Variants in ASNS observed in about 807,000 individuals in gnomAD.
The protein encoded by ASNS is asparagine synthetase (glutamine-hydrolyzing).
Under a neutral mutation model 62.6 loss-of-function variants are expected in ASNS, and 37 were observed. The ratio of observed to expected loss-of-function variants is 0.59; its 90% confidence interval spans 0.45 to 0.78. The LOEUF is 0.78. Among genes scored for constraint, ASNS ranks in the 30% least tolerant of loss-of-function variants. The pLI, the probability that ASNS is intolerant of heterozygous loss-of-function variation, is 0.00. For missense variants in ASNS, 520 were observed against 682.4 expected, an observed-to-expected ratio of 0.76 and a Z score of 2.65; for synonymous variants, 207 against 237.9, an observed-to-expected ratio of 0.87 and a Z score of 1.19.
upstream of ASNS, among the ~76,000 whole-genome samples, chr7:97,872,752 A>C (rs1165993777): frequency 1.3e-5 from 2 of 152,236 alleles, no homozygotes; most frequent in African/African-American, 4.8e-5. Context: ...AGTGCAGAGA[A>C]AAGCTTGTCC....
chr7:97,896,185 G>C, the ASNS span, among the ~76,000 whole-genome samples: 2 of 151,852 alleles, frequency 1.3e-5, no homozygotes, highest in African/African-American at 4.8e-5. Context: ...CACAGAAACA[G>C]GAAAAAAATA....
intron 3 of ASNS, 123 bp from the exon 4 acceptor site, chr7:97,864,619 G>A: frequency 1.4e-6 from 1 of 702,548 alleles, no homozygotes; most frequent in Non-Finnish European, 2.5e-6. Flanking sequence ...TGGTGATTTA[G>A]GAGAATCACA....
chr7:97,852,873 G>A (rs1032072399), intron 12 of ASNS, among the ~76,000 whole-genome samples, 187 bp downstream of exon 12: 1 of 152,108 alleles, frequency 6.6e-6, no homozygotes, highest in Non-Finnish European at 1.5e-5. Context: ...TGTTTACAGA[G>A]ACTCTGAATC....
In ASNS at chr7:97,869,194, G is replaced by T. The variant is rs922031284; in HGVS notation, c.-23-15C>A. 1 of 1,601,378 alleles carries T rather than the reference G, an allele frequency of 6.2e-7. No individual in the cohort carries two copies. The highest frequency in any genetic ancestry group is 8.5e-7 in the Non-Finnish European group (1 of 1,171,054). ...CTATAAGCTTTCTATGGAGAGAAAA[G>T]CAGACAAATCAAAAATATTCAATAT... On this transcript the variant is annotated splice_polypyrimidine_tract_variant and intron_variant, in intron 2 of 12. Coordinates refer to ENST00000394308, the MANE Select transcript of ASNS (RefSeq NM_001673.5).
At chr7:97,858,089 TAC>T (rs751908440) in intron 7 of ASNS, among the ~76,000 whole-genome samples, 187 bp downstream of exon 7, 4 of 152,160 alleles carry the variant, frequency 2.6e-5, no homozygotes, top group Admixed American at 1.3e-4. Context: ...CAGATAAAAG[TAC>T]ACAGAGGACA....
At chr7:97,856,594 C>T in intron 8 of ASNS, 96 bp downstream of exon 8, 1 of 1,143,070 alleles carries the variant, frequency 8.7e-7, no homozygotes, top group Non-Finnish European at 1.2e-6. Context: ...CCTTAAATAA[C>T]ATTTTAAAAC....
At chr7:97,869,238 A>G in intron 2 of ASNS, 59 bp from the exon 3 acceptor site, 1 of 1,546,766 alleles carries the variant, frequency 6.5e-7, no homozygotes, top group Non-Finnish European at 8.7e-7. Context: ...ACTCTGCATT[A>G]AATCTTGATT....
Position 97,856,801 on chromosome 7 carries a change from C to T in ASNS, c.919G>A (p.Gly307Arg). Residue 307 changes from glycine (G) to arginine (R), a missense_variant, in exon 8 of 13, where the codon GGA (glycine) becomes AGA (arginine). Coordinates refer to ENST00000394308, the MANE Select transcript of ASNS (RefSeq NM_001673.5). ...AAAAGGACTTCATAATGTTCACTTCCAATATGATCTGCCACCTTATTATAT... is the reference window on the plus strand; with the variant it reads ...AAAAGGACTTCATAATGTTCACTTCTAATATGATCTGCCACCTTATTATAT... Reference protein sequence around the residue: ...LAARKVADHIGSEHYEVLFNS... With the variant: ...LAARKVADHIRSEHYEVLFNS... 1 of 1,608,086 alleles carries T rather than the reference C, an allele frequency of 6.2e-7. No individual in the cohort carries two copies. Among genetic ancestry groups the T allele is most frequent in the Non-Finnish European group, 8.5e-7 (1 of 1,177,148 alleles).
the ASNS span, among the ~76,000 whole-genome samples, chr7:97,885,236 T>C: frequency 6.6e-6 from 1 of 152,284 alleles, no homozygotes; most frequent in African/African-American, 2.4e-5. Context: ...TTCCTTTTGA[T>C]GACTGAATAA....
chr7:97,921,924 C>T, the ASNS span, among the ~76,000 whole-genome samples: 4 of 152,270 alleles, frequency 2.6e-5, no homozygotes, highest in African/African-American at 7.2e-5. Context: ...TGTACATACA[C>T]AATGGAATAC....
intron 1 of ASNS, chr7:97,871,887 G>A (rs1792283823): frequency 6.6e-6 from 1 of 152,230 alleles, no homozygotes; most frequent in Admixed American, 6.5e-5. Context: ...CGGTGATAAG[G>A]CCGCAGTCTC....
chr7:97,896,034 C>T, the ASNS span, among the ~76,000 whole-genome samples: 10 of 150,922 alleles, frequency 6.6e-5, no homozygotes, highest in African/African-American at 2.4e-4. Context: ...CCACAAAACG[C>T]TGATAAAATA....
At chr7:97,915,480 C>A in the ASNS span, among the ~76,000 whole-genome samples, 1 of 152,202 alleles carries the variant, frequency 6.6e-6, no homozygotes, top group African/African-American at 2.4e-5. Context: ...CACGAACAGG[C>A]ATGGCCCTGG....
At chr7:97,880,185 T>C in the ASNS span, among the ~76,000 whole-genome samples, 2 of 151,688 alleles carry the variant, frequency 1.3e-5, no homozygotes, top group South Asian at 4.2e-4. Flanking sequence ...AGTGTAGTGG[T>C]GTGATCTCGG....
chr7:97,899,182 A>G, the ASNS span: 1 of 262,036 alleles, frequency 3.8e-6, no homozygotes, highest in Non-Finnish European at 7.4e-6. Flanking sequence ...GGATTTCACG[A>G]TGTTGGCCAA....
the ASNS span, among the ~76,000 whole-genome samples, chr7:97,904,701 TTC>T: frequency 7.0e-6 from 1 of 142,892 alleles, no homozygotes; most frequent in Non-Finnish European, 1.5e-5. Flanking sequence ...CATTACAAAT[TTC>T]TACCCCATGG....
Position 97,851,882 on chromosome 7 carries a change from GA to G in ASNS, c.*376del, listed in dbSNP as rs1791198360. 4.4e-6 allele frequency: 1 copy of G among 226,726 alleles called. No homozygotes were observed. The highest frequency in any genetic ancestry group is 8.8e-6 in the Non-Finnish European group (1 of 113,526). 14.0% of individuals were successfully genotyped at this position (226,726 alleles called of 1,614,324 possible). On this transcript the variant is annotated 3_prime_UTR_variant, in exon 13 of 13. Transcript: ENST00000394308. ...TAGGCAGCTGTTAGGAATGTAGGCA[GA>G]ACAAAAATAGTGTAGTCCTTTGATG...
At chr7:97,885,252 C>T in the ASNS span, among the ~76,000 whole-genome samples, 2 of 152,238 alleles carry the variant, frequency 1.3e-5, no homozygotes, top group Non-Finnish European at 2.9e-5. Context: ...AATAATATTC[C>T]ATTGCATAGT....
At chr7:97,883,492 C>T in the ASNS span, among the ~76,000 whole-genome samples, 1 of 152,238 alleles carries the variant, frequency 6.6e-6, no homozygotes, top group African/African-American at 2.4e-5. Context: ...GTTCACTGCT[C>T]AGCCACTCTC....
Sources: allele counts gnomAD v4.1 joint callset (sites outside exome capture counted in the v4.1 genomes callset), GRCh38; gene constraint gnomAD v4.1.1; transcripts MANE v1.5; gene names NCBI Gene and HGNC (gene_info 2026-07-23, HGNC 2026-07-21).